HACE1: variants seen among roughly 807,000 people sequenced by gnomAD.
HACE1 encodes HECT domain and ankyrin repeat containing E3 ubiquitin protein ligase 1.
Under a neutral mutation model 118.4 loss-of-function variants are expected in HACE1, and 73 were observed. The ratio of observed to expected loss-of-function variants is 0.62; its 90% CI spans 0.51 to 0.75. The LOEUF is 0.75. Among genes scored for constraint, HACE1 ranks in the 30% least tolerant of loss-of-function variants. The probability of loss-of-function intolerance (pLI) is 0.00; values close to 1 mark genes in which losing one functional copy is unlikely to be tolerated. For synonymous variants in HACE1, 368 were observed against 374.8 expected (o/e 0.98, Z 0.21); for missense variants, 749 against 1,102.2 (o/e 0.68, Z 4.54).
Position 104,811,350 on chromosome 6 carries a change from G to C in HACE1, c.578C>G (p.Pro193Arg). 6.4e-7 allele frequency: 1 copy of C among 1,552,896 alleles called. No individual in the cohort carries two copies. Among genetic ancestry groups the C allele is most frequent in the South Asian group, 1.1e-5 (1 of 89,966 alleles). ...LLDSGADINRPNVSGATPLYF... is the reference protein window; with the variant it reads ...LLDSGADINRRNVSGATPLYF... ...CAATGGAGTTGCTCCTGATACATTT[G>C]GCCTGTTAATATCAGCACCACTGTC... is the stretch of plus-strand genomic sequence containing the variant. The change falls in exon 7 of 24, where the codon CCA becomes CGA. Residue 193 changes from proline to arginine, a missense_variant. By Grantham distance (103) the Pro-to-Arg change is moderately radical. Transcript: ENST00000262903.
At chr6:104,858,290 A>C (rs1442495316) in intron 1 of HACE1, 1 of 192,906 alleles carries the variant, frequency 5.2e-6, no homozygotes, top group Non-Finnish European at 1.1e-5. Context: ...TAAGAGTAGC[A>C]CTTAAGAAAT....
At chr6:104,781,257 A>T (rs1247302607) in intron 14 of HACE1, among the ~76,000 whole-genome samples, 1 of 152,202 alleles carries the variant, frequency 6.6e-6, no homozygotes, top group East Asian at 1.9e-4. Context: ...TTTGATGCTC[A>T]AATTCTTCCA....
At chr6:104,779,139 G>A (rs1057252896) in intron 14 of HACE1, among the ~76,000 whole-genome samples, 1 of 152,164 alleles carries the variant, frequency 6.6e-6, no homozygotes, top group Non-Finnish European at 1.5e-5. Flanking sequence ...CACAAGTCAT[G>A]ACTGAGAATT....
chr6:104,804,467 C>T (rs1181372929), intron 7 of HACE1, among the ~76,000 whole-genome samples: 4 of 152,160 alleles, frequency 2.6e-5, no homozygotes, highest in African/African-American at 4.8e-5. Flanking sequence ...TCAAACTATA[C>T]TACAAGGCTA....
rs1209737481 is a variant in HACE1 at position 104,859,806 on chromosome 6, CG to C, written c.-165del. The stretch of plus-strand genomic sequence containing the variant: ...GCTGCCTGGGGCCACGTCCTGCGTC[CG>C]GGGGCCGGGCTGCTGCCGGACCGAC... On this transcript the variant is annotated 5_prime_UTR_variant, in exon 1 of 24. Transcript: ENST00000262903. 8.1e-6 allele frequency: 5 copies of C among 614,878 alleles called. No homozygotes were observed. Among genetic ancestry groups the C allele is most frequent in the Non-Finnish European group, 1.3e-5 (5 of 374,486 alleles). 38.1% of individuals were successfully genotyped at this position (614,878 alleles called of 1,614,324 possible). A position where few individuals can be genotyped will look rare whatever the true frequency, so the allele number is the denominator to read the frequency against.
intron 10 of HACE1, 21 bp from the exon 11 acceptor site, chr6:104,791,675 A>G: frequency 6.6e-7 from 1 of 1,521,854 alleles, no homozygotes; most frequent in Non-Finnish European, 9.1e-7. Flanking sequence ...AAATTAAAAT[A>G]TGAGATTAGA....
chr6:104,827,723 C>T lies in HACE1; in HGVS notation c.534+5319G>A, dbSNP rs142731684. Among the ~76,000 whole-genome samples, 7 of 152,098 alleles carry T rather than the reference C, an allele frequency of 4.6e-5. No individual in the cohort carries two copies. The East Asian group carries it at 1.2e-3, about 25-fold the overall frequency. ...TTTCAATTAAGTTTACATGGCTGTC[C>T]GTAACTGGATGAAAAACTTGGAAGC... On this transcript the variant is annotated intron_variant, in intron 6 of 23. Coordinates refer to ENST00000262903, the MANE Select transcript of HACE1 (RefSeq NM_020771.4).
chr6:104,773,818 G>GT (rs1271953226), intron 17 of HACE1, among the ~76,000 whole-genome samples: 1 of 149,946 alleles, frequency 6.7e-6, no homozygotes, highest in African/African-American at 2.4e-5. Flanking sequence ...CAGAAAAGGA[G>GT]TAACAGTTTT....
chr6:104,844,344 ATTTTT>A (rs374033174), intron 4 of HACE1, among the ~76,000 whole-genome samples: 1 of 119,904 alleles, frequency 8.3e-6, no homozygotes, highest in Non-Finnish European at 1.8e-5. Flanking sequence ...CATCATAAAC[ATTTTT>A]TTTTTTTTTT....
intron 19 of HACE1, among the ~76,000 whole-genome samples, chr6:104,764,372 C>G (rs1325815182): frequency 6.6e-6 from 1 of 152,148 alleles, no homozygotes; most frequent in African/African-American, 2.4e-5. Flanking sequence ...GCCACTATGC[C>G]CGGCCTGTAC....
intron 19 of HACE1, among the ~76,000 whole-genome samples, chr6:104,768,506 AAG>A (rs1242645421): frequency 1.3e-5 from 2 of 152,182 alleles, no homozygotes; most frequent in Non-Finnish European, 2.9e-5. Context: ...AAAGATTTTT[AAG>A]AGTTTTATAT....
chr6:104,751,809 T>C (rs536493947), intron 19 of HACE1, among the ~76,000 whole-genome samples: 12 of 152,098 alleles, frequency 7.9e-5, no homozygotes, highest in East Asian at 5.8e-4. Context: ...AAAAACAATA[T>C]GCTATAGCAG....
chr6:104,806,490 A>AT (rs1771012303), intron 7 of HACE1, among the ~76,000 whole-genome samples: 1 of 152,100 alleles, frequency 6.6e-6, no homozygotes, highest in African/African-American at 2.4e-5. Flanking sequence ...AATAAGAATA[A>AT]TTTTTTAAAT....
At chr6:104,803,086 C>T (rs573785248) in intron 7 of HACE1, among the ~76,000 whole-genome samples, 1 of 152,292 alleles carries the variant, frequency 6.6e-6, no homozygotes, top group South Asian at 2.1e-4. Context: ...CTATAAACAC[C>T]TCTATGCAAA....
At chr6:104,838,242 A>G (rs1774739475) in intron 5 of HACE1, among the ~76,000 whole-genome samples, 1 of 152,186 alleles carries the variant, frequency 6.6e-6, no homozygotes, top group Non-Finnish European at 1.5e-5. Context: ...AAGATCTAGA[A>G]TAGCAAAAGC....
At chr6:104,831,720 C>T (rs910709274) in intron 6 of HACE1, among the ~76,000 whole-genome samples, 1 of 151,986 alleles carries the variant, frequency 6.6e-6, no homozygotes, top group African/African-American at 2.4e-5. Flanking sequence ...AGTGAAACCC[C>T]ATCTCTACTA....
chr6:104,738,043 C>T (rs1776133404), intron 22 of HACE1, among the ~76,000 whole-genome samples: 1 of 152,110 alleles, frequency 6.6e-6, no homozygotes, highest in South Asian at 2.1e-4. Flanking sequence ...GGGAGGCACC[C>T]CCCAGCAGGG....
intron 22 of HACE1, 26 bp from the exon 23 acceptor site, chr6:104,730,442 G>T: frequency 9.8e-7 from 1 of 1,015,880 alleles, no homozygotes; most frequent in Non-Finnish European, 1.6e-6. Flanking sequence ...TTAATACATT[G>T]TAATCATGAA....
chr6:104,793,437 T>A (rs957562528), intron 10 of HACE1, among the ~76,000 whole-genome samples: 1 of 152,182 alleles, frequency 6.6e-6, no homozygotes, highest in Admixed American at 6.5e-5. Flanking sequence ...ATCATAAATA[T>A]ATAGAAAGGA....
Sources: gnomAD v4.1 joint callset for allele counts (sites outside exome capture counted in the v4.1 genomes callset) on GRCh38, gnomAD v4.1.1 for gene constraint, MANE v1.5 for transcripts, NCBI Gene and HGNC (gene_info 2026-07-23, HGNC 2026-07-21) for gene names.